The following KDM4C variants were observed in gnomAD, a reference collection of about 807,000 sequenced individuals.
KDM4C encodes the protein lysine demethylase 4C, also known as lysine-specific demethylase 4C.
In KDM4C, 81 loss-of-function variants were observed where a neutral mutation model predicts 129.3. The observed-to-expected ratio is 0.63, with a 90% confidence interval of 0.52 to 0.75. The LOEUF is 0.75. KDM4C is among the 30% of genes least tolerant of loss of function. The pLI, the probability that KDM4C is intolerant of heterozygous loss-of-function variation, is 0.00. For missense variants in KDM4C, 1,457 were observed against 1,304.0 expected (o/e 1.12, Z -1.81); for synonymous variants, 573 against 456.1 (o/e 1.26, Z -3.26).
chr9:7,082,334 G>A (rs772604351), intron 17 of KDM4C, among the ~76,000 whole-genome samples: 1 of 152,164 alleles, frequency 6.6e-6, no homozygotes, highest in Non-Finnish European at 1.5e-5. Context: ...AGAATCTTTA[G>A]CAAGTGGGAT....
chr9:7,111,171 C>G (rs1366419586), intron 18 of KDM4C, among the ~76,000 whole-genome samples: 1 of 151,860 alleles, frequency 6.6e-6, no homozygotes, highest in Non-Finnish European at 1.5e-5. Context: ...ATGTGATAAG[C>G]TGCGTTCTAA....
Position 7,015,902 on chromosome 9 carries a change from C to T in KDM4C, c.2232C>T (p.Ala744=), listed in dbSNP as rs1586927225. 3 of 1,612,794 alleles carry T rather than the reference C, an allele frequency of 1.9e-6. No homozygotes were observed. Among genetic ancestry groups the T allele is most frequent in the Non-Finnish European group, 1.7e-6 (2 of 1,179,154 alleles). Residue 744 remains alanine (A), a synonymous_variant, in exon 15 of 22, where the codon GCC becomes GCT. Coordinates refer to ENST00000381309, the MANE Select transcript of KDM4C (RefSeq NM_015061.6). The part of the protein sequence containing the change: ...SHEICDGWLC[A]RCKRNAWTAE... ...AGATCTGTGATGGATGGCTGTGTGC[C>T]CGGTGCAAAAGAAATGCGTGGACAG...
At chr9:6,857,472 C>T (rs1366088275) in intron 5 of KDM4C, among the ~76,000 whole-genome samples, 2 of 152,188 alleles carry the variant, frequency 1.3e-5, no homozygotes, top group Non-Finnish European at 2.9e-5. Flanking sequence ...CACTCTAGCA[C>T]ACACCCACTT....
intron 1 of KDM4C, among the ~76,000 whole-genome samples, chr9:6,763,908 C>A (rs910410945): frequency 1.3e-5 from 2 of 152,260 alleles, no homozygotes; most frequent in East Asian, 3.9e-4. Flanking sequence ...CAGGCCTGCG[C>A]TACCACGCCC....
At chr9:6,959,784 T>C (rs1264140126) in intron 8 of KDM4C, among the ~76,000 whole-genome samples, 2 of 152,164 alleles carry the variant, frequency 1.3e-5, no homozygotes, top group African/African-American at 4.8e-5. Flanking sequence ...GACGGATATA[T>C]ATGTCTTCCT....
At chr9:6,889,249 G>GTGTGTGTGTGTGTGTGTGTT (rs1845757786) in intron 7 of KDM4C, among the ~76,000 whole-genome samples, 1 of 138,604 alleles carries the variant, frequency 7.2e-6, no homozygotes, top group African/African-American at 2.7e-5. Flanking sequence ...GTGTGTGTGT[G>GTGTGTGTGTGTGTGTGTGTT]TGGGAGGGTG....
rs541604564 is a variant in KDM4C, at chr9:6,752,160, C to T, written c.49+31163C>T. 3.0e-3 allele frequency among the ~76,000 whole-genome samples: 447 copies of T among 150,334 alleles called. 6 individuals are homozygous for T. Among genetic ancestry groups the T allele is most frequent in the African/African-American group, 0.01 (421 of 40,698 alleles). On this transcript the variant is annotated intron_variant, in intron 1 of 17. Transcript: ENST00000536108. ...CATCCTGGCTAACACGGTGAAACCC[C>T]GTCTCTACTAAAAATACAAAAAATT...
chr9:7,093,519 A>G (rs904217333), intron 17 of KDM4C, among the ~76,000 whole-genome samples: 3 of 152,180 alleles, frequency 2.0e-5, no homozygotes, highest in East Asian at 1.9e-4. Flanking sequence ...CATGTAACTT[A>G]TAATCCAGGC....
chr9:6,787,343 G>C (rs1252171398), intron 1 of KDM4C, among the ~76,000 whole-genome samples: 1 of 152,160 alleles, frequency 6.6e-6, no homozygotes. Context: ...AGTGAGTCTT[G>C]TGCCTCAGCC....
chr9:6,906,212 C>T (rs1818280507), intron 8 of KDM4C, among the ~76,000 whole-genome samples: 1 of 151,912 alleles, frequency 6.6e-6, no homozygotes, highest in Non-Finnish European at 1.5e-5. Context: ...TTTTTTTTCT[C>T]CGTTTGCTTT....
At chr9:7,142,454 T>A (rs1300082258) in intron 19 of KDM4C, among the ~76,000 whole-genome samples, 1 of 152,134 alleles carries the variant, frequency 6.6e-6, no homozygotes, top group African/African-American at 2.4e-5. Context: ...TCCCCTCCCC[T>A]GGGCTCCCTC....
At chr9:7,020,409 A>G (rs1395055317) in intron 15 of KDM4C, among the ~76,000 whole-genome samples, 1 of 152,232 alleles carries the variant, frequency 6.6e-6, no homozygotes, top group Non-Finnish European at 1.5e-5. Context: ...TCTGACAGCT[A>G]TAGCGTTTGA....
At chr9:6,873,638 G>T (rs1843110419) in intron 5 of KDM4C, among the ~76,000 whole-genome samples, 1 of 152,182 alleles carries the variant, frequency 6.6e-6, no homozygotes, top group South Asian at 2.1e-4. Flanking sequence ...TCTGGATTAG[G>T]ATTTGGTTTA....
intron 17 of KDM4C, among the ~76,000 whole-genome samples, chr9:7,078,180 T>C (rs1834134415): frequency 6.6e-6 from 1 of 152,206 alleles, no homozygotes; most frequent in African/African-American, 2.4e-5. Context: ...TTGGGTGCTT[T>C]TTAAAAAAAT....
intron 8 of KDM4C, among the ~76,000 whole-genome samples, chr9:6,935,584 A>T (rs1563842081): frequency 1.4e-5 from 2 of 144,740 alleles, no homozygotes; most frequent in Non-Finnish European, 3.0e-5. Flanking sequence ...CGCCCGGCTA[A>T]TTTTTTTTTT....
At chr9:6,987,585 T>C (rs905097022) in intron 11 of KDM4C, among the ~76,000 whole-genome samples, 1 of 152,184 alleles carries the variant, frequency 6.6e-6, no homozygotes. Context: ...CCTGCTGGTT[T>C]CAACTCAAAA....
intron 1 of KDM4C, among the ~76,000 whole-genome samples, chr9:6,764,722 A>G (rs756899301): frequency 6.6e-6 from 1 of 152,172 alleles, no homozygotes; most frequent in Non-Finnish European, 1.5e-5. Context: ...TTTATATTGT[A>G]TATTACTATG....
chr9:6,866,904 C>CCTATAT (rs1554616222), intron 5 of KDM4C, among the ~76,000 whole-genome samples: 2 of 131,088 alleles, frequency 1.5e-5, no homozygotes, highest in Non-Finnish European at 3.3e-5. Flanking sequence ...TATATATATA[C>CCTATAT]ATATATATAT....
intron 12 of KDM4C, among the ~76,000 whole-genome samples, chr9:7,004,920 A>C (rs892182644): frequency 6.6e-6 from 1 of 152,216 alleles, no homozygotes; most frequent in African/African-American, 2.4e-5. Flanking sequence ...ACTGATGAAT[A>C]AAGTACACTG....
Sources: allele counts gnomAD v4.1 joint callset (sites outside exome capture counted in the v4.1 genomes callset), GRCh38; gene constraint gnomAD v4.1.1; transcripts MANE v1.5; gene names NCBI Gene and HGNC (gene_info 2026-07-23, HGNC 2026-07-21).